The following DAG1 variants were observed in gnomAD, a reference collection of about 807,000 sequenced individuals.
The protein encoded by DAG1 is dystroglycan 1 (dystrophin-associated glycoprotein 1).
Under a neutral mutation model 46.1 loss-of-function variants are expected in DAG1, and 8 were observed. The observed-to-expected ratio is 0.17, with a 90% CI of 0.10 to 0.31. The LOEUF (loss-of-function observed/expected upper bound fraction) is 0.31, where lower values mean the gene tolerates loss of function less well. Ranked by LOEUF, DAG1 falls within the 10% of genes least tolerant of loss-of-function variation. The probability of loss-of-function intolerance (pLI) is 1.00; values close to 1 mark genes in which losing one functional copy is unlikely to be tolerated. For missense variants in DAG1, 1,003 were observed against 1,189.9 expected (o/e 0.84, Z 2.31); for synonymous variants, 495 against 481.8 (o/e 1.03, Z -0.36).
At chr3:49,530,176 A>G (rs1018397758) in intron 2 of DAG1, among the ~76,000 whole-genome samples, 2 of 152,218 alleles carry the variant, frequency 1.3e-5, no homozygotes, top group Non-Finnish European at 2.9e-5. Flanking sequence ...AAATGAAAAC[A>G]TTAGATACAA....
At chr3:49,530,406 T>C (rs1311725609) in intron 2 of DAG1, among the ~76,000 whole-genome samples, 1 of 152,154 alleles carries the variant, frequency 6.6e-6, no homozygotes, top group Non-Finnish European at 1.5e-5. Flanking sequence ...TGGAAAGGAA[T>C]GCTGAGGGCT....
At chr3:49,515,557 TA>T (rs1340370798) in intron 2 of DAG1, among the ~76,000 whole-genome samples, 1 of 151,914 alleles carries the variant, frequency 6.6e-6, no homozygotes. Context: ...AGGTAATTTT[TA>T]AATTTTTTTG....
intron 2 of DAG1, among the ~76,000 whole-genome samples, chr3:49,519,927 C>T (rs2050985674): frequency 6.6e-6 from 1 of 152,112 alleles, no homozygotes; most frequent in South Asian, 2.1e-4. Context: ...AGATAAAATG[C>T]TTTGTAGCTC....
At chr3:49,527,577 C>T (rs2051214925) in intron 2 of DAG1, among the ~76,000 whole-genome samples, 1 of 151,072 alleles carries the variant, frequency 6.6e-6, no homozygotes, top group Admixed American at 6.6e-5. Context: ...GTGGCGGGCG[C>T]CTGTAGTCCC....
chr3:49,484,927 G>T (rs2049982821), intron 1 of DAG1, among the ~76,000 whole-genome samples: 1 of 152,054 alleles, frequency 6.6e-6, no homozygotes, highest in Non-Finnish European at 1.5e-5. Flanking sequence ...CTCCCGAGTA[G>T]CTGGGATTAC....
chr3:49,528,743 T>C (rs1363081100), intron 2 of DAG1, among the ~76,000 whole-genome samples: 1 of 152,158 alleles, frequency 6.6e-6, no homozygotes, highest in African/African-American at 2.4e-5. Context: ...TGATGGCACA[T>C]CTTAGAGTTG....
At chr3:49,513,945 T>C (rs900996227) in intron 2 of DAG1, among the ~76,000 whole-genome samples, 8 of 152,214 alleles carry the variant, frequency 5.3e-5, no homozygotes, top group African/African-American at 1.9e-4. Context: ...GGATTAATCT[T>C]GGCCAGAAGT....
chr3:49,525,645 C>T (rs1295137156), intron 2 of DAG1, among the ~76,000 whole-genome samples: 2 of 151,624 alleles, frequency 1.3e-5, no homozygotes, highest in African/African-American at 2.4e-5. Context: ...GCAGGCTCCG[C>T]CCCCCGGGTT....
chr3:49,479,633 T>C (rs1442375021), intron 1 of DAG1, among the ~76,000 whole-genome samples: 8 of 106,504 alleles, frequency 7.5e-5, no homozygotes, highest in African/African-American at 2.9e-4. Flanking sequence ...CATTTCTTTT[T>C]TTTTTTTTTT....
intron 1 of DAG1, among the ~76,000 whole-genome samples, chr3:49,489,511 G>A (rs959639600): frequency 2.6e-5 from 4 of 152,240 alleles, no homozygotes; most frequent in East Asian, 1.9e-4. Context: ...TGGATGCAGC[G>A]TGCCCACATT....
chr3:49,478,970 C>A (rs900692919), intron 1 of DAG1, among the ~76,000 whole-genome samples: 1 of 151,594 alleles, frequency 6.6e-6, no homozygotes, highest in Non-Finnish European at 1.5e-5. Context: ...CCCACCATCA[C>A]GCCGAGCTAA....
At chr3:49,519,993 G>A (rs969644983) in intron 2 of DAG1, among the ~76,000 whole-genome samples, 4 of 152,214 alleles carry the variant, frequency 2.6e-5, no homozygotes, top group Non-Finnish European at 5.9e-5. Flanking sequence ...ATCCTGTGGC[G>A]TTGGTGTTTG....
intron 2 of DAG1, among the ~76,000 whole-genome samples, chr3:49,516,827 T>A (rs986807676): frequency 1.3e-5 from 2 of 152,132 alleles, no homozygotes; most frequent in African/African-American, 4.8e-5. Flanking sequence ...CAGATCTGGG[T>A]GCTAGGTGAG....
intron 2 of DAG1, among the ~76,000 whole-genome samples, chr3:49,512,826 C>T (rs1361741309): frequency 6.6e-6 from 1 of 151,042 alleles, no homozygotes; most frequent in African/African-American, 2.4e-5. Context: ...AAATTAGTTA[C>T]AAAAAATTTT....
At chr3:49,516,135 G>A (rs1266781073) in intron 2 of DAG1, among the ~76,000 whole-genome samples, 1 of 152,156 alleles carries the variant, frequency 6.6e-6, no homozygotes, top group Admixed American at 6.6e-5. Flanking sequence ...ATCTGTTGGA[G>A]CCCTTTCCTT....
intron 2 of DAG1, among the ~76,000 whole-genome samples, chr3:49,521,266 C>A (rs1262216481): frequency 6.6e-6 from 1 of 152,056 alleles, no homozygotes; most frequent in East Asian, 1.9e-4. Context: ...TGGGTTCACG[C>A]CATTTTCCTG....
At chr3:49,512,426 C>T (rs770901657) in intron 2 of DAG1, among the ~76,000 whole-genome samples, 10 of 151,530 alleles carry the variant, frequency 6.6e-5, no homozygotes, top group Non-Finnish European at 1.2e-4. Flanking sequence ...AAGTCTCTCT[C>T]TGTCACCCAA....
chr3:49,494,628 T>A (rs1456742840), intron 1 of DAG1, among the ~76,000 whole-genome samples: 1 of 151,866 alleles, frequency 6.6e-6, no homozygotes, highest in Non-Finnish European at 1.5e-5. Flanking sequence ...CTTGGTGAAT[T>A]ATTATTATTA....
intron 1 of DAG1, among the ~76,000 whole-genome samples, chr3:49,502,712 C>T (rs1313534725): frequency 6.7e-6 from 1 of 148,546 alleles, no homozygotes; most frequent in Non-Finnish European, 1.5e-5. Flanking sequence ...GATCTCGGCT[C>T]ACTACAAGCT....
Sources: allele counts gnomAD v4.1 joint callset (sites outside exome capture counted in the v4.1 genomes callset), GRCh38; gene constraint gnomAD v4.1.1; transcripts MANE v1.5; gene names NCBI Gene and HGNC (gene_info 2026-07-23, HGNC 2026-07-21).